Variants in ECT2 observed in about 807,000 individuals in gnomAD.
ECT2 encodes epithelial cell transforming 2.
Under a neutral mutation model 116.9 loss-of-function variants are expected in ECT2, and 61 were observed. The ratio of observed to expected loss-of-function variants is 0.52; its 90% CI spans 0.42 to 0.65. ECT2 has a LOEUF of 0.65. Ranked by LOEUF, ECT2 falls within the 30% of genes least tolerant of loss-of-function variation. The pLI is 0.00. For missense variants in ECT2, 937 were observed against 1,078.7 expected (o/e 0.87, Z 1.84); for synonymous variants, 358 against 346.4 (o/e 1.03, Z -0.37).
At chr3:172,818,791 G>T in intron 24 of ECT2, 3 of 1,256,216 alleles carry the variant, frequency 2.4e-6, no homozygotes, top group Non-Finnish European at 3.1e-6. Context: ...ACCACTAATG[G>T]AAACAAGCCT....
At chr3:172,776,198 CTTTTT>C (rs60558773) in intron 14 of ECT2, among the ~76,000 whole-genome samples, 523 of 111,540 alleles carry the variant, frequency 4.7e-3, no homozygotes, top group African/African-American at 8.4e-3. Flanking sequence ...TCAGTTTTTT[CTTTTT>C]TTTTTTTTTT....
rs948023245 is a variant in ECT2, at chr3:172,820,499, A to G, written c.*262A>G. 2 of 258,472 alleles carry G rather than the reference A, an allele frequency of 7.7e-6. No homozygotes were observed. Among genetic ancestry groups the G allele is most frequent in the Admixed American group, 1.0e-4 (2 of 19,212 alleles). The allele number at this position is 258,472 out of a possible 1,614,324, so 16.0% of individuals were successfully genotyped here. The stretch of plus-strand genomic sequence containing the variant: ...CTGTCATTCAAAGGCCAATAATTTA[A>G]GTTGCTATCAGCTGATATTAGTAGC... On this transcript the variant is annotated 3_prime_UTR_variant, in exon 25 of 25. Transcript: ENST00000392692.
At chr3:172,768,867 A>G (rs1335269247) in intron 12 of ECT2, 140 bp from the exon 13 acceptor site, 1 of 1,008,464 alleles carries the variant, frequency 9.9e-7, no homozygotes, top group African/African-American at 1.7e-5. Context: ...GCCTATGAGA[A>G]AAAAATTTTT....
intron 18 of ECT2, among the ~76,000 whole-genome samples, chr3:172,792,777 G>A (rs1489173037): frequency 6.6e-6 from 1 of 152,102 alleles, no homozygotes; most frequent in Non-Finnish European, 1.5e-5. Context: ...GAATGTGGTG[G>A]TGTAATGTTG....
chr3:172,783,653 A>C (rs7649589), intron 15 of ECT2, 146 bp from the exon 16 acceptor site: 304,240 of 565,072 alleles, frequency 0.54, 87,407 homozygotes, highest in East Asian at 0.68. Context: ...TTATAAAATA[A>C]GTTTGTTCTC....
chr3:172,754,407 GT>G, intron 1 of ECT2, 101 bp from the exon 2 acceptor site: 1 of 828,696 alleles, frequency 1.2e-6, no homozygotes. Context: ...AAAAAAATGG[GT>G]AATAATACTT....
intron 13 of ECT2, among the ~76,000 whole-genome samples, chr3:172,772,669 A>ATC (rs1349912623): frequency 1.3e-5 from 2 of 152,182 alleles, no homozygotes; most frequent in South Asian, 2.1e-4. Flanking sequence ...GTGATATCAT[A>ATC]TATGAGAACT....
At chr3:172,828,469 T>A in the ECT2 span, among the ~76,000 whole-genome samples, 1 of 152,098 alleles carries the variant, frequency 6.6e-6, no homozygotes, top group African/African-American at 2.4e-5. Context: ...TTTAATCAGA[T>A]ACAAGGTTTA....
chr3:172,777,009 G>A (rs889717435), intron 14 of ECT2, among the ~76,000 whole-genome samples: 2 of 151,914 alleles, frequency 1.3e-5, no homozygotes, highest in African/African-American at 2.4e-5. Context: ...CTAGTAGCTG[G>A]GACAGGTGTG....
intron 21 of ECT2, chr3:172,807,561 A>C (rs1412161807): frequency 4.5e-6 from 2 of 444,430 alleles, no homozygotes; most frequent in East Asian, 6.4e-5. Context: ...CATCATCATT[A>C]GTTCCTTACG....
At chr3:172,774,528 C>T (rs1213899313) in intron 14 of ECT2, among the ~76,000 whole-genome samples, 2 of 151,864 alleles carry the variant, frequency 1.3e-5, no homozygotes, top group Non-Finnish European at 2.9e-5. Flanking sequence ...AATACTCTCT[C>T]ACCCAGGCTA....
chr3:172,772,725 C>T (rs1720886740), intron 13 of ECT2, among the ~76,000 whole-genome samples: 1 of 152,040 alleles, frequency 6.6e-6, no homozygotes, highest in South Asian at 2.1e-4. Context: ...CTGTTTTCTT[C>T]TAAAAGTTTT....
intron 4 of ECT2, 90 bp downstream of exon 4, chr3:172,755,665 T>A (rs1716844247): frequency 1.5e-6 from 1 of 647,560 alleles, no homozygotes; most frequent in African/African-American, 1.9e-5. Flanking sequence ...AGGCACAAGG[T>A]GTATTGTGTG....
Position 172,775,403 on chromosome 3 carries a change from A to G in ECT2, c.1548+1381A>G, listed in dbSNP as rs774613752. Among the ~76,000 whole-genome samples the G allele has an allele frequency of 3.9e-5, 6 of 152,206 alleles. No homozygotes were observed. The East Asian group carries it at 5.8e-4, about 15-fold the overall frequency. ...ACCAATTGCTTGTATTTTGTGTTTT[A>G]TCAGTATTGCTGATCATATTTCAGT... is the stretch of plus-strand genomic sequence containing the variant. On this transcript the variant is annotated intron_variant, in intron 14 of 24. Coordinates refer to ENST00000392692, the MANE Select transcript of ECT2 (RefSeq NM_001258315.2).
chr3:172,781,018 A>C (rs1459719223), intron 14 of ECT2, among the ~76,000 whole-genome samples: 1 of 152,066 alleles, frequency 6.6e-6, no homozygotes, highest in Non-Finnish European at 1.5e-5. Flanking sequence ...CATATCTAAA[A>C]ATTTTTTTTC....
intron 14 of ECT2, among the ~76,000 whole-genome samples, chr3:172,778,260 A>G (rs770458665): frequency 5.9e-5 from 9 of 152,206 alleles, no homozygotes; most frequent in Non-Finnish European, 1.3e-4. Flanking sequence ...GTTCTTTTAG[A>G]GGAAAAGTTA....
intron 1 of ECT2, among the ~76,000 whole-genome samples, chr3:172,753,858 A>G (rs892349570): frequency 1.3e-5 from 2 of 152,216 alleles, no homozygotes; most frequent in African/African-American, 4.8e-5. Flanking sequence ...ACTTGGACAT[A>G]TAAGGAGTAC....
chr3:172,754,982 C>T (rs1348884667), intron 2 of ECT2, among the ~76,000 whole-genome samples: 1 of 151,690 alleles, frequency 6.6e-6, no homozygotes, highest in Non-Finnish European at 1.5e-5. Context: ...TTTCCTTTAC[C>T]ACTTTATAAA....
chr3:172,784,198 C>T (rs114419325), intron 16 of ECT2, among the ~76,000 whole-genome samples: 2,324 of 151,892 alleles, frequency 0.015, 63 homozygotes, highest in African/African-American at 0.052. Context: ...ATAATCTTAG[C>T]ACTTTGAGAG....
Sources: allele counts gnomAD v4.1 joint callset (sites outside exome capture counted in the v4.1 genomes callset), GRCh38; gene constraint gnomAD v4.1.1; transcripts MANE v1.5; gene names NCBI Gene and HGNC (gene_info 2026-07-23, HGNC 2026-07-21).